PTPRN2: variants seen among roughly 807,000 people sequenced by gnomAD.
The protein encoded by PTPRN2 is protein tyrosine phosphatase receptor type N2, also known as receptor-type tyrosine-protein phosphatase N2.
PTPRN2 carries 74 observed loss-of-function variants against 118.8 expected under a neutral mutation model. The ratio of observed to expected loss-of-function variants is 0.62; its 90% CI spans 0.52 to 0.76. The LOEUF is 0.76. PTPRN2 is among the 30% of genes least tolerant of loss of function. The pLI, the probability that PTPRN2 is intolerant of heterozygous loss-of-function variation, is 0.00. For synonymous variants in PTPRN2, 641 were observed against 608.0 expected, an observed-to-expected ratio of 1.05 and a Z score of -0.80; for missense variants, 1,481 against 1,394.4, an observed-to-expected ratio of 1.06 and a Z score of -0.99.
At chr7:158,221,913 G>T (rs112072104) in intron 3 of PTPRN2, among the ~76,000 whole-genome samples, 3 of 152,116 alleles carry the variant, frequency 2.0e-5, no homozygotes, top group African/African-American at 7.2e-5. Flanking sequence ...AAAATGGGTA[G>T]GAGACATGAA....
At chr7:157,947,027 T>G (rs1464149190) in intron 11 of PTPRN2, among the ~76,000 whole-genome samples, 2 of 152,200 alleles carry the variant, frequency 1.3e-5, no homozygotes, top group Admixed American at 6.5e-5. Context: ...TGTGGGCTAG[T>G]GTGCTGCTTA....
Position 157,658,000 on chromosome 7 carries a change from C to T in PTPRN2, c.2002-1449G>A, listed in dbSNP as rs1008978773. On this transcript the variant is annotated intron_variant, in intron 13 of 22. Transcript: ENST00000389418. Reference sequence around the variant, plus strand: ...ACCACACACACGTCACAGACACACACACCACACACACATACACACATCACA... The same window carrying T: ...ACCACACACACGTCACAGACACACATACCACACACACATACACACATCACA... 2.0e-5 allele frequency among the ~76,000 whole-genome samples: 3 copies of T among 151,672 alleles called. No homozygotes were observed. In the South Asian group the frequency reaches 6.3e-4, roughly 32 times the overall value.
chr7:157,685,822 G>A (rs930351681), intron 12 of PTPRN2, among the ~76,000 whole-genome samples: 2 of 152,162 alleles, frequency 1.3e-5, no homozygotes, highest in Admixed American at 1.3e-4. Flanking sequence ...AGTCCCCGGA[G>A]GGGAAGCAAG....
intron 2 of PTPRN2, among the ~76,000 whole-genome samples, chr7:158,338,777 C>T (rs1450126575): frequency 4.6e-5 from 1 of 21,880 alleles, no homozygotes; most frequent in East Asian, 8.7e-4. Context: ...ACACTCTCAC[C>T]ATAAGAAGTG....
At chr7:158,071,483 C>CCTG (rs1811640880) in intron 11 of PTPRN2, among the ~76,000 whole-genome samples, 1 of 103,796 alleles carries the variant, frequency 9.6e-6, no homozygotes, top group African/African-American at 5.2e-5. Context: ...TGGAGGTTCT[C>CCTG]ATGGTGCAGG....
At chr7:158,319,380 ACACACACACACAGCCTCC>A (rs1802616423) in intron 2 of PTPRN2, among the ~76,000 whole-genome samples, 2 of 141,194 alleles carry the variant, frequency 1.4e-5, no homozygotes, top group African/African-American at 2.6e-5. Context: ...TCACACATGC[ACACACACACACAGCCTCC>A]CACACACACA....
intron 3 of PTPRN2, among the ~76,000 whole-genome samples, chr7:158,239,148 G>A (rs2150848622): frequency 6.6e-6 from 1 of 152,324 alleles, no homozygotes; most frequent in South Asian, 2.1e-4. Flanking sequence ...GGCCTTCTCT[G>A]AGGCCAGCCA....
chr7:158,350,727 G>A (rs1247135317), intron 2 of PTPRN2, among the ~76,000 whole-genome samples: 2 of 152,138 alleles, frequency 1.3e-5, no homozygotes, highest in Non-Finnish European at 2.9e-5. Flanking sequence ...TGGATCAGTC[G>A]CTCATCACCG....
At chr7:158,060,227 C>A (rs1810208837) in intron 11 of PTPRN2, among the ~76,000 whole-genome samples, 1 of 126,528 alleles carries the variant, frequency 7.9e-6, no homozygotes, top group Non-Finnish European at 1.6e-5. Flanking sequence ...ACTGCAGCCA[C>A]ACTCCATCTG....
At chr7:158,318,178 G>A (rs1410795686) in intron 2 of PTPRN2, among the ~76,000 whole-genome samples, 4 of 152,132 alleles carry the variant, frequency 2.6e-5, no homozygotes, top group Non-Finnish European at 2.9e-5. Flanking sequence ...TGGACAGGCC[G>A]CACCACAGGC....
intron 12 of PTPRN2, among the ~76,000 whole-genome samples, chr7:157,783,569 C>T (rs1803818280): frequency 6.7e-6 from 1 of 149,948 alleles, no homozygotes; most frequent in Non-Finnish European, 1.5e-5. Context: ...CATGCAGGGG[C>T]CAGCGGAGTC....
chr7:157,577,600 G>A (rs959535925), intron 18 of PTPRN2, among the ~76,000 whole-genome samples: 34 of 152,316 alleles, frequency 2.2e-4, no homozygotes, highest in African/African-American at 8.2e-4. Context: ...CATCAAGGAT[G>A]GGCGCCAGGT....
chr7:158,064,565 C>T (rs1810615597), intron 11 of PTPRN2, among the ~76,000 whole-genome samples: 2 of 152,044 alleles, frequency 1.3e-5, no homozygotes, highest in South Asian at 4.1e-4. Flanking sequence ...AATCTGGCTG[C>T]TAAAAAGAGA....
intron 1 of PTPRN2, among the ~76,000 whole-genome samples, chr7:158,530,321 G>A (rs571795247): frequency 1.3e-5 from 2 of 152,336 alleles, no homozygotes; most frequent in South Asian, 4.1e-4. Context: ...CTTCAATACT[G>A]ATGCTGGTAC....
In PTPRN2 at chr7:158,171,016, CAT is replaced by C. The variant is rs556043592; in HGVS notation, c.550-3727_550-3726del. ...ACACATACATATATATATACACATA[CAT>C]ATATATACACATATATATACACATA... On this transcript the variant is annotated intron_variant, in intron 5 of 22. Coordinates refer to ENST00000389418, the MANE Select transcript of PTPRN2 (RefSeq NM_002847.5). 2.6e-3 allele frequency among the ~76,000 whole-genome samples: 375 copies of C among 146,102 alleles called. 4 individuals carry two copies. The highest frequency in any genetic ancestry group is 8.7e-3 in the African/African-American group (342 of 39,258).
chr7:158,164,107 G>A (rs951388243), intron 6 of PTPRN2, among the ~76,000 whole-genome samples: 20 of 151,908 alleles, frequency 1.3e-4, no homozygotes, highest in East Asian at 1.9e-4. Flanking sequence ...GAGAGAGCAC[G>A]GTCAGGACGC....
intron 2 of PTPRN2, among the ~76,000 whole-genome samples, chr7:158,332,476 A>G (rs35277428): frequency 0.22 from 23,721 of 108,370 alleles, 4,325 homozygotes; most frequent in Middle Eastern, 0.32. Flanking sequence ...GGTGACATCT[A>G]CAGACGGCAC....
At chr7:158,549,719 C>G (rs1331644855) in intron 1 of PTPRN2, among the ~76,000 whole-genome samples, 1 of 152,240 alleles carries the variant, frequency 6.6e-6, no homozygotes, top group Non-Finnish European at 1.5e-5. Context: ...TCACAAAGCT[C>G]TGAAATACAG....
chr7:157,794,567 C>T lies in PTPRN2; in HGVS notation c.1788+104106G>A, dbSNP rs376401841. Among the ~76,000 whole-genome samples, 21 of 152,342 alleles carry T rather than the reference C, an allele frequency of 1.4e-4. No homozygotes were observed. The highest frequency in any genetic ancestry group is 2.2e-4 in the Non-Finnish European group (15 of 68,042). The stretch of plus-strand genomic sequence containing the variant: ...GACTATCACCCTCACTGTCACTCTC[C>T]GCTTTGTTTAAATGTGGGGATTTCA... On this transcript the variant is annotated intron_variant, in intron 12 of 22. Coordinates refer to ENST00000389418, the MANE Select transcript of PTPRN2 (RefSeq NM_002847.5). This position sits in a 1 kb window ranked among gnomAD's most constrained non-coding sequence, Gnocchi z 5.2.
Sources: gnomAD v4.1 joint callset for allele counts (sites outside exome capture counted in the v4.1 genomes callset) on GRCh38, gnomAD v4.1.1 for gene constraint, Gnocchi (gnomAD v3.1) non-coding constraint, MANE v1.5 for transcripts, NCBI Gene and HGNC (gene_info 2026-07-23, HGNC 2026-07-21) for gene names.